Variants in SLC35F1 observed in about 807,000 individuals in gnomAD.
SLC35F1 encodes the protein solute carrier family 35 member F1.
Under a neutral mutation model 48.7 loss-of-function variants are expected in SLC35F1, and 14 were observed. The observed-to-expected ratio is 0.29, with a 90% CI of 0.19 to 0.45. The LOEUF is 0.45. SLC35F1 is among the 20% of genes least tolerant of loss of function. The pLI, the probability that SLC35F1 is intolerant of heterozygous loss-of-function variation, is 1.00. For missense variants in SLC35F1, 404 were observed against 500.0 expected, an observed-to-expected ratio of 0.81 and a Z score of 1.83; for synonymous variants, 190 against 202.2, an observed-to-expected ratio of 0.94 and a Z score of 0.51.
chr6:118,215,695 T>C (rs1264878121), intron 2 of SLC35F1, among the ~76,000 whole-genome samples: 5 of 152,226 alleles, frequency 3.3e-5, no homozygotes, highest in Non-Finnish European at 7.3e-5. Flanking sequence ...CTGTTTATCC[T>C]AGTAGGAATT....
At chr6:118,223,124 G>T (rs1775172265) in intron 2 of SLC35F1, among the ~76,000 whole-genome samples, 1 of 152,072 alleles carries the variant, frequency 6.6e-6, no homozygotes, top group Admixed American at 6.6e-5. Flanking sequence ...TACTGAACTT[G>T]ATTTCAGAAA....
chr6:118,247,816 T>C (rs978233897), intron 3 of SLC35F1, among the ~76,000 whole-genome samples: 1 of 147,914 alleles, frequency 6.8e-6, no homozygotes, highest in African/African-American at 2.7e-5. Flanking sequence ...TTTAATAGTA[T>C]GTACTTATTC....
intron 2 of SLC35F1, among the ~76,000 whole-genome samples, chr6:118,163,285 G>C (rs1774267048): frequency 6.6e-6 from 1 of 152,062 alleles, no homozygotes; most frequent in African/African-American, 2.4e-5. Context: ...ATCTTAAAGA[G>C]AGTGATATCT....
At chr6:117,984,442 T>C (rs762952451) in intron 1 of SLC35F1, among the ~76,000 whole-genome samples, 1 of 141,560 alleles carries the variant, frequency 7.1e-6, no homozygotes, top group Non-Finnish European at 1.5e-5. Flanking sequence ...GAGCTTGTAG[T>C]GAGCCGAGAT....
chr6:118,303,275 AG>A (rs1227495639), intron 7 of SLC35F1, among the ~76,000 whole-genome samples: 1 of 152,258 alleles, frequency 6.6e-6, no homozygotes, highest in Non-Finnish European at 1.5e-5. Context: ...TAATCCATTA[AG>A]GGTGTTCCAA....
At chr6:117,931,434 T>C (rs1776100903) in intron 1 of SLC35F1, among the ~76,000 whole-genome samples, 1 of 152,200 alleles carries the variant, frequency 6.6e-6, no homozygotes, top group Non-Finnish European at 1.5e-5. Context: ...TTTCTTCAAG[T>C]TGACTGAATT....
At position 118,002,777 on chromosome 6, in the gene SLC35F1, G is replaced by T. The variant is rs1004905883; in HGVS notation, c.173+94878G>T. On this transcript the variant is annotated intron_variant, in intron 1 of 7. Transcript: ENST00000360388. ...TTAATGATATGAGAATTTCTAACCT[G>T]TCTGGAAGAAAAGGCATAAGAGATC... Among the ~76,000 whole-genome samples, 5 of 151,458 alleles carry T rather than the reference G, an allele frequency of 3.3e-5. No individual in the cohort carries two copies. In the East Asian group the frequency reaches 9.7e-4, roughly 29 times the overall value.
At chr6:118,104,965 C>A (rs1582668525) in intron 1 of SLC35F1, among the ~76,000 whole-genome samples, 3 of 152,172 alleles carry the variant, frequency 2.0e-5, no homozygotes, top group Admixed American at 2.0e-4. Flanking sequence ...AGAGCTGCTC[C>A]TTCACTCCTG....
intron 1 of SLC35F1, among the ~76,000 whole-genome samples, chr6:118,009,036 C>T (rs1052489137): frequency 6.6e-5 from 10 of 152,088 alleles, no homozygotes; most frequent in South Asian, 2.1e-4. Context: ...CGTGTACTGT[C>T]GTGAAGTGTC....
intron 1 of SLC35F1, among the ~76,000 whole-genome samples, chr6:118,065,216 A>T (rs1772595600): frequency 6.6e-6 from 1 of 152,192 alleles, no homozygotes; most frequent in Non-Finnish European, 1.5e-5. Context: ...CTGCTGTTGG[A>T]TATTTTAATG....
At chr6:118,237,116 G>T (rs749330538) in intron 3 of SLC35F1, among the ~76,000 whole-genome samples, 1 of 152,092 alleles carries the variant, frequency 6.6e-6, no homozygotes, top group African/African-American at 2.4e-5. Context: ...TCTATACATT[G>T]TCAGTGCTAT....
chr6:117,947,602 G>T (rs934254724), intron 1 of SLC35F1, among the ~76,000 whole-genome samples: 1 of 152,106 alleles, frequency 6.6e-6, no homozygotes, highest in African/African-American at 2.4e-5. Flanking sequence ...AAGGTGGTAG[G>T]ATTCTGCATA....
At chr6:118,246,672 TTTG>T (rs1304010647) in intron 3 of SLC35F1, among the ~76,000 whole-genome samples, 1 of 152,186 alleles carries the variant, frequency 6.6e-6, no homozygotes, top group Non-Finnish European at 1.5e-5. Flanking sequence ...CCCTTACATG[TTTG>T]TTTTCTCTCT....
In SLC35F1 at chr6:118,093,358, G is replaced by A. The variant is rs186947121; in HGVS notation, c.174-61087G>A. ...ATGTGAGGACATGAGATTTGAGATG[G>A]GTCAGAAGTAGAATATGGTTTGGCT... On this transcript the variant is annotated intron_variant, in intron 1 of 7. Coordinates refer to ENST00000360388, the MANE Select transcript of SLC35F1 (RefSeq NM_001029858.4). 3.9e-5 allele frequency among the ~76,000 whole-genome samples: 6 copies of A among 152,100 alleles called. No individual in the cohort carries two copies. In the East Asian group the frequency reaches 1.2e-3, roughly 29 times the overall value.
At chr6:117,923,482 G>C (rs1311205934) in intron 1 of SLC35F1, among the ~76,000 whole-genome samples, 1 of 91,914 alleles carries the variant, frequency 1.1e-5, no homozygotes, top group Admixed American at 1.6e-4. Context: ...TGACATACAT[G>C]TATATATATA....
At chr6:118,296,239 C>T (rs1776182300) in intron 7 of SLC35F1, among the ~76,000 whole-genome samples, 1 of 152,176 alleles carries the variant, frequency 6.6e-6, no homozygotes. Flanking sequence ...GAGTATATGA[C>T]CCATAAACCC....
Position 117,907,638 on chromosome 6 carries a change from C to T in SLC35F1, c.-89C>T, listed in dbSNP as rs1775705795. The T allele has an allele frequency of 4.1e-6, 3 of 739,680 alleles. No homozygotes were observed. The highest frequency in any genetic ancestry group is 5.6e-5 in the South Asian group (2 of 35,736). 45.8% of individuals were successfully genotyped at this position (739,680 alleles called of 1,614,324 possible). On this transcript the variant is annotated 5_prime_UTR_variant, in exon 1 of 8. Coordinates refer to ENST00000360388, the MANE Select transcript of SLC35F1 (RefSeq NM_001029858.4). ...GCCTCCCGGGCCGCGGCCGCCCGGC[C>T]GGGTCCTCTGCGCGTTCCCGGGCCC...
In SLC35F1 at chr6:118,171,300, G is replaced by A. The variant is rs551730970; in HGVS notation, c.349+16680G>A. ...AGAACTTTGGCCTCCCAAAGTGCTG[G>A]GATTGCAGGTGTGAGCTACCATGCC... On this transcript the variant is annotated intron_variant, in intron 2 of 7. Coordinates refer to ENST00000360388, the MANE Select transcript of SLC35F1 (RefSeq NM_001029858.4). Among the ~76,000 whole-genome samples, 22 of 152,238 alleles carry A rather than the reference G, an allele frequency of 1.4e-4. No individual in the cohort carries two copies. In the South Asian group the frequency reaches 3.7e-3, roughly 26 times the overall value.
chr6:117,914,724 A>G (rs936722034), intron 1 of SLC35F1, among the ~76,000 whole-genome samples: 2 of 152,218 alleles, frequency 1.3e-5, no homozygotes, highest in African/African-American at 4.8e-5. Context: ...TATAGTTTCA[A>G]AAATGATGTT....
Sources: allele counts gnomAD v4.1 joint callset (sites outside exome capture counted in the v4.1 genomes callset), GRCh38; gene constraint gnomAD v4.1.1; transcripts MANE v1.5; gene names NCBI Gene and HGNC (gene_info 2026-07-23, HGNC 2026-07-21).